MYO1D: variants seen among roughly 807,000 people sequenced by gnomAD.
The protein encoded by MYO1D is myosin ID.
In MYO1D, 83 loss-of-function variants were observed where a neutral mutation model predicts 122.0. The ratio of observed to expected loss-of-function variants is 0.68; its 90% CI spans 0.57 to 0.82. MYO1D has a LOEUF of 0.82. MYO1D is among the 40% of genes least tolerant of loss of function. The pLI, the probability that MYO1D is intolerant of heterozygous loss-of-function variation, is 0.00. For synonymous variants in MYO1D, 464 were observed against 446.9 expected (o/e 1.04, Z -0.48); for missense variants, 1,157 against 1,269.5 (o/e 0.91, Z 1.35).
chr17:32,616,749 C>A (rs56240114), intron 20 of MYO1D, among the ~76,000 whole-genome samples: 18,107 of 152,122 alleles, frequency 0.12, 1,420 homozygotes, highest in Middle Eastern at 0.22. Context: ...ATATCCTCAC[C>A]CCTTCAATCT....
intron 6 of MYO1D, 72 bp downstream of exon 6, chr17:32,771,053 T>C (rs1471432806): frequency 8.5e-7 from 1 of 1,177,336 alleles, no homozygotes; most frequent in Non-Finnish European, 1.3e-6. Flanking sequence ...CTTGACCAGA[T>C]AATTATTGAA....
At chr17:32,791,664 GAAC>G (rs1347213081) in intron 1 of MYO1D, among the ~76,000 whole-genome samples, 1 of 152,002 alleles carries the variant, frequency 6.6e-6, no homozygotes, top group Non-Finnish European at 1.5e-5. Flanking sequence ...AACTGATAAA[GAAC>G]AAAAGGGGGT....
At chr17:32,577,895 C>A (rs4795709) in intron 21 of MYO1D, among the ~76,000 whole-genome samples, 1 of 152,070 alleles carries the variant, frequency 6.6e-6, no homozygotes, top group Non-Finnish European at 1.5e-5. Context: ...CCCGCCACCA[C>A]GCCTGGCTAA....
intron 16 of MYO1D, among the ~76,000 whole-genome samples, chr17:32,709,572 T>TA (rs555229778): frequency 2.0e-5 from 3 of 151,016 alleles, no homozygotes; most frequent in Non-Finnish European, 4.4e-5. Flanking sequence ...AAAGCAACAT[T>TA]AAAAAAAAAT....
intron 14 of MYO1D, among the ~76,000 whole-genome samples, chr17:32,729,688 A>C (rs1164509234): frequency 1.3e-5 from 2 of 152,204 alleles, no homozygotes; most frequent in Admixed American, 1.3e-4. Flanking sequence ...TTGATATGGA[A>C]AAGACAGTCA....
At chr17:32,664,755 T>G (rs2088614417) in intron 16 of MYO1D, among the ~76,000 whole-genome samples, 1 of 152,168 alleles carries the variant, frequency 6.6e-6, no homozygotes. Context: ...AAACAGAGAA[T>G]GCTGGCATGG....
rs1267123430 is a variant in MYO1D at position 32,789,219 on chromosome 17, C to G, written c.96-8435G>C. ...TGATCAGATCTCTGGTGAACAGCAA[C>G]AGTTCAACTTCCTCTTTTCCAATTT... is the stretch of plus-strand genomic sequence containing the variant. On this transcript the variant is annotated intron_variant, in intron 1 of 21. Coordinates refer to ENST00000318217, the MANE Select transcript of MYO1D (RefSeq NM_015194.3). 2.6e-5 allele frequency among the ~76,000 whole-genome samples: 4 copies of G among 152,284 alleles called. No individual in the cohort carries two copies. The South Asian group carries it at 6.2e-4, about 24-fold the overall frequency.
At chr17:32,668,812 T>C (rs1469585771) in intron 16 of MYO1D, among the ~76,000 whole-genome samples, 1 of 151,854 alleles carries the variant, frequency 6.6e-6, no homozygotes, top group Non-Finnish European at 1.5e-5. Context: ...TGCCATTCTC[T>C]TGCCTCAGCC....
chr17:32,747,929 A>G (rs1488788667), intron 12 of MYO1D, among the ~76,000 whole-genome samples: 1 of 152,148 alleles, frequency 6.6e-6, no homozygotes, highest in East Asian at 1.9e-4. Flanking sequence ...ATGCAGCTAC[A>G]AGCCAAGGAA....
At chr17:32,739,698 T>C (rs1008513116) in intron 13 of MYO1D, among the ~76,000 whole-genome samples, 4 of 152,190 alleles carry the variant, frequency 2.6e-5, no homozygotes, top group African/African-American at 9.6e-5. Flanking sequence ...TCATTGCTAA[T>C]TGCTCTTACT....
chr17:32,695,749 A>G (rs969097692), intron 16 of MYO1D, among the ~76,000 whole-genome samples: 1 of 152,250 alleles, frequency 6.6e-6, no homozygotes, highest in African/African-American at 2.4e-5. Context: ...GTAGAAGAAT[A>G]AAAGCTTTCA....
chr17:32,791,315 G>A (rs1210448205), intron 1 of MYO1D, among the ~76,000 whole-genome samples: 1 of 126,426 alleles, frequency 7.9e-6, no homozygotes, highest in African/African-American at 3.1e-5. Flanking sequence ...AGTGAGCCGA[G>A]ATCACACTAC....
At chr17:32,774,219 T>C (rs1325186553) in intron 4 of MYO1D, among the ~76,000 whole-genome samples, 1 of 152,238 alleles carries the variant, frequency 6.6e-6, no homozygotes. Flanking sequence ...TTTTTCTTTA[T>C]CCGACCTCTC....
chr17:32,749,129 G>C, intron 11 of MYO1D, 123 bp from the exon 12 acceptor site: 1 of 869,622 alleles, frequency 1.1e-6, no homozygotes, highest in South Asian at 1.5e-5. Context: ...TGTGGGGCTT[G>C]ATTTAAAAAT....
intron 20 of MYO1D, chr17:32,627,875 T>C (rs1041657065): frequency 3.3e-5 from 5 of 152,166 alleles, no homozygotes; most frequent in African/African-American, 1.2e-4. Context: ...CAAATTAAAC[T>C]CAATCTTGGC....
intron 21 of MYO1D, among the ~76,000 whole-genome samples, chr17:32,500,283 C>T (rs1909273399): frequency 6.6e-6 from 1 of 152,214 alleles, no homozygotes; most frequent in African/African-American, 2.4e-5. Context: ...CGCACACTCA[C>T]TGCAGCCTCA....
intron 1 of MYO1D, among the ~76,000 whole-genome samples, chr17:32,788,535 T>A (rs2090320381): frequency 6.6e-6 from 1 of 152,224 alleles, no homozygotes; most frequent in South Asian, 2.1e-4. Flanking sequence ...TAGGGTGTCT[T>A]TTCCCCAGTT....
At chr17:32,688,713 T>C (rs564015332) in intron 16 of MYO1D, among the ~76,000 whole-genome samples, 1 of 152,090 alleles carries the variant, frequency 6.6e-6, no homozygotes, top group Non-Finnish European at 1.5e-5. Flanking sequence ...AGTCTTAATT[T>C]TGTGGGTGAT....
chr17:32,775,175 C>G (rs1256241716), intron 4 of MYO1D, among the ~76,000 whole-genome samples: 1 of 152,078 alleles, frequency 6.6e-6, no homozygotes, highest in Non-Finnish European at 1.5e-5. Context: ...GTGGGCCATG[C>G]CTGTGGTCCC....
Sources: gnomAD v4.1 joint callset for allele counts (sites outside exome capture counted in the v4.1 genomes callset) on GRCh38, gnomAD v4.1.1 for gene constraint, MANE v1.5 for transcripts, NCBI Gene and HGNC (gene_info 2026-07-23, HGNC 2026-07-21) for gene names.